Variants in PTPRG observed in about 807,000 individuals in gnomAD.
PTPRG encodes the protein protein tyrosine phosphatase receptor type G.
In PTPRG, 102 loss-of-function variants were observed where a neutral mutation model predicts 165.3. That is an observed-to-expected ratio of 0.62 (90% confidence interval 0.53 to 0.73). The LOEUF is 0.73. Ranked by LOEUF, PTPRG falls within the 30% of genes least tolerant of loss-of-function variation. PTPRG has a pLI of 0.00. For synonymous variants in PTPRG, 675 were observed against 669.5 expected, an observed-to-expected ratio of 1.01 and a Z score of -0.13; for missense variants, 1,866 against 1,861.4, an observed-to-expected ratio of 1.00 and a Z score of -0.05.
chr3:61,791,739 C>T (rs539735157), intron 2 of PTPRG, among the ~76,000 whole-genome samples: 14 of 152,302 alleles, frequency 9.2e-5, no homozygotes, highest in South Asian at 8.3e-4. Flanking sequence ...CCGCCCATCT[C>T]GGCTTCCCAG....
intron 5 of PTPRG, among the ~76,000 whole-genome samples, chr3:62,095,335 G>C (rs1702075056): frequency 6.6e-6 from 1 of 152,190 alleles, no homozygotes; most frequent in African/African-American, 2.4e-5. Context: ...TTGTGAGGTG[G>C]TGTGGTTGCA....
At chr3:61,947,247 G>A (rs1225723985) in intron 2 of PTPRG, among the ~76,000 whole-genome samples, 1 of 152,162 alleles carries the variant, frequency 6.6e-6, no homozygotes, top group Non-Finnish European at 1.5e-5. Context: ...TGTGTAATGA[G>A]CATCTGTTCA....
intron 2 of PTPRG, among the ~76,000 whole-genome samples, chr3:61,863,340 G>C (rs2037323539): frequency 6.6e-6 from 1 of 152,262 alleles, no homozygotes; most frequent in South Asian, 2.1e-4. Flanking sequence ...GTGGTGGGTA[G>C]GTATATAGGC....
chr3:61,652,112 A>C (rs1702370551), intron 1 of PTPRG, among the ~76,000 whole-genome samples: 1 of 152,184 alleles, frequency 6.6e-6, no homozygotes, highest in Non-Finnish European at 1.5e-5. Flanking sequence ...GTTCAAGACC[A>C]GCCTGGCCAA....
At chr3:62,270,188 ATTT>A (rs901122029) in intron 20 of PTPRG, among the ~76,000 whole-genome samples, 1 of 147,104 alleles carries the variant, frequency 6.8e-6, no homozygotes, top group Non-Finnish European at 1.5e-5. Flanking sequence ...CAATGGGATA[ATTT>A]TTTTTTTTTC....
At chr3:61,718,551 G>T (rs1474678963) in intron 1 of PTPRG, among the ~76,000 whole-genome samples, 4 of 152,184 alleles carry the variant, frequency 2.6e-5, no homozygotes, top group African/African-American at 9.7e-5. Context: ...TTATGGGAGT[G>T]AGCAGAAAGC....
At chr3:62,061,696 T>A (rs1297601265) in intron 4 of PTPRG, among the ~76,000 whole-genome samples, 1 of 151,296 alleles carries the variant, frequency 6.6e-6, no homozygotes, top group Non-Finnish European at 1.5e-5. Context: ...TGGTGCCATC[T>A]CAGCTCACTG....
intron 3 of PTPRG, among the ~76,000 whole-genome samples, chr3:61,994,986 G>T (rs1398109482): frequency 6.6e-6 from 1 of 151,888 alleles, no homozygotes; most frequent in Admixed American, 6.6e-5. Context: ...TGGAGACAAG[G>T]ATGTGTGAGC....
At chr3:61,799,559 A>G (rs1559618435) in intron 2 of PTPRG, among the ~76,000 whole-genome samples, 1 of 152,162 alleles carries the variant, frequency 6.6e-6, no homozygotes, top group African/African-American at 2.4e-5. Flanking sequence ...ATGTCCTTCA[A>G]TTTGGATTTA....
At chr3:61,942,501 A>G (rs992628280) in intron 2 of PTPRG, among the ~76,000 whole-genome samples, 8 of 152,224 alleles carry the variant, frequency 5.3e-5, no homozygotes, top group African/African-American at 1.9e-4. Flanking sequence ...TTCAACAAAT[A>G]TTTATTGTTC....
At chr3:61,758,242 C>G (rs367743826) in intron 2 of PTPRG, among the ~76,000 whole-genome samples, 3 of 152,150 alleles carry the variant, frequency 2.0e-5, no homozygotes, top group Non-Finnish European at 2.9e-5. Context: ...CCGATTTAGC[C>G]TCTCAAAGTG....
chr3:61,875,463 C>T (rs1055722174), intron 2 of PTPRG, among the ~76,000 whole-genome samples: 1 of 152,124 alleles, frequency 6.6e-6, no homozygotes. Context: ...CAGTTAAGTG[C>T]CATCCTTATA....
chr3:61,690,546 A>G (rs2106653763), intron 1 of PTPRG, among the ~76,000 whole-genome samples: 1 of 152,242 alleles, frequency 6.6e-6, no homozygotes, highest in African/African-American at 2.4e-5. Flanking sequence ...ACCACAACTA[A>G]CTGTTTAAGC....
intron 17 of PTPRG, among the ~76,000 whole-genome samples, chr3:62,265,845 CAT>C (rs1238160398): frequency 7.4e-5 from 9 of 121,434 alleles, no homozygotes; most frequent in South Asian, 5.9e-4. Context: ...TACATACATA[CAT>C]ACACACACAC....
intron 4 of PTPRG, among the ~76,000 whole-genome samples, chr3:62,068,401 G>A (rs1044881045): frequency 2.0e-5 from 3 of 152,138 alleles, no homozygotes; most frequent in Admixed American, 1.3e-4. Flanking sequence ...CATACTGTCA[G>A]ATTTAAAGTA....
chr3:61,975,126 G>C (rs2040472153), intron 2 of PTPRG, among the ~76,000 whole-genome samples: 1 of 152,156 alleles, frequency 6.6e-6, no homozygotes. Context: ...AGCAAATAAG[G>C]TAATCTGTGG....
chr3:62,281,444 T>G (rs1413052051), intron 26 of PTPRG, 119 bp from the exon 27 acceptor site: 1 of 833,816 alleles, frequency 1.2e-6, no homozygotes, highest in African/African-American at 1.8e-5. Context: ...ATAACTCTTA[T>G]GAATTCAGTT....
At chr3:61,802,313 C>G (rs1030908502) in intron 2 of PTPRG, among the ~76,000 whole-genome samples, 3 of 152,000 alleles carry the variant, frequency 2.0e-5, no homozygotes, top group Non-Finnish European at 4.4e-5. Flanking sequence ...GAGACGAGAA[C>G]CAGCATTATT....
At chr3:61,952,198 T>TA (rs746428826) in intron 2 of PTPRG, among the ~76,000 whole-genome samples, 5 of 151,574 alleles carry the variant, frequency 3.3e-5, no homozygotes, top group African/African-American at 4.9e-5. Flanking sequence ...AGTGCATGTT[T>TA]AGCAAACCTG....
Sources: allele counts gnomAD v4.1 joint callset (sites outside exome capture counted in the v4.1 genomes callset), GRCh38; gene constraint gnomAD v4.1.1; transcripts MANE v1.5; gene names NCBI Gene and HGNC (gene_info 2026-07-23, HGNC 2026-07-21).